RAB5B: variants seen among roughly 807,000 people sequenced by gnomAD.
RAB5B encodes RAB5B, member RAS oncogene family.
A neutral mutation model predicts 28.6 loss-of-function variants in RAB5B; 11 were observed. The ratio of observed to expected loss-of-function variants is 0.38; its 90% CI spans 0.24 to 0.64. The LOEUF (loss-of-function observed/expected upper bound fraction) is 0.64, where lower values mean the gene tolerates loss of function less well. RAB5B is among the 30% of genes least tolerant of loss of function. The pLI, the probability that RAB5B is intolerant of heterozygous loss-of-function variation, is 0.53. For missense variants in RAB5B, 169 were observed against 265.6 expected, an observed-to-expected ratio of 0.64 and a Z score of 2.53; for synonymous variants, 93 against 97.9, an observed-to-expected ratio of 0.95 and a Z score of 0.29.
intron 1 of RAB5B, among the ~76,000 whole-genome samples, chr12:55,978,282 G>A (rs905867898): frequency 3.9e-5 from 6 of 152,120 alleles, no homozygotes; most frequent in East Asian, 1.9e-4. Context: ...GGTGGATCAC[G>A]AGGTCAGGAG....
chr12:55,986,623 C>T, intron 1 of RAB5B, among the ~76,000 whole-genome samples: 1 of 152,178 alleles, frequency 6.6e-6, no homozygotes, highest in East Asian at 1.9e-4. Context: ...GAATTAAAAA[C>T]TCTCAGTTTT....
In RAB5B at chr12:55,996,003, A is replaced by ATATATATATATATATT; in HGVS notation, c.*3792_*3793insATATATATATATATTT. On this transcript the variant is annotated 3_prime_UTR_variant, in exon 6 of 6. Transcript: ENST00000360299. ...TATATACATATATATATATATATAT[A>ATATATATATATATATT]TTTTTTTTTTAACAACTGGTAGGAT... 3 of 97,430 alleles carry ATATATATATATATATT rather than the reference A, an allele frequency of 3.1e-5. No homozygotes were observed. The highest frequency in any genetic ancestry group is 1.1e-4 in the Admixed American group (1 of 9,308). 6.0% of individuals were successfully genotyped at this position (97,430 alleles called of 1,614,324 possible). A position where few individuals can be genotyped will look rare whatever the true frequency, so the allele number is the denominator to read the frequency against.
At position 55,992,219 on chromosome 12, in the gene RAB5B, G is replaced by A. The variant is rs775349088; in HGVS notation, c.*7G>A. 1 of 1,605,844 alleles carries A rather than the reference G, an allele frequency of 6.2e-7. No homozygotes were observed. On this transcript the variant is annotated 3_prime_UTR_variant, in exon 6 of 6. Coordinates refer to ENST00000360299, the MANE Select transcript of RAB5B (RefSeq NM_002868.4). ...CCAGTGTTGTAGCAACTGAGGGGGTGGCTAGCAGCAAACAAGTATGGAGCT... is the reference window on the plus strand; with the variant it reads ...CCAGTGTTGTAGCAACTGAGGGGGTAGCTAGCAGCAAACAAGTATGGAGCT...
intron 1 of RAB5B, among the ~76,000 whole-genome samples, chr12:55,979,083 T>C: frequency 6.6e-6 from 1 of 152,026 alleles, no homozygotes; most frequent in East Asian, 1.9e-4. Context: ...AGAAATACAG[T>C]CTTAATACTG....
At position 55,992,494 on chromosome 12, in the gene RAB5B, A is replaced by G. The variant is rs1224230889; in HGVS notation, c.*282A>G. On this transcript the variant is annotated 3_prime_UTR_variant, in exon 6 of 6. Coordinates refer to ENST00000360299, the MANE Select transcript of RAB5B (RefSeq NM_002868.4). ...ACTTTCTTCACTTTGTATTATAGGT[A>G]CAAGACAGCGACTTACGTATCTTTT... 1.7e-6 allele frequency: 1 copy of G among 592,680 alleles called. No homozygotes were observed. The highest frequency in any genetic ancestry group is 3.7e-5 in the East Asian group (1 of 27,144). The allele number at this position is 592,680 out of a possible 1,614,324, so 36.7% of individuals were successfully genotyped here.
intron 1 of RAB5B, among the ~76,000 whole-genome samples, chr12:55,975,101 G>A (rs1889608291): frequency 6.6e-6 from 1 of 151,974 alleles, no homozygotes; most frequent in Admixed American, 6.6e-5. Flanking sequence ...TTAATAATGT[G>A]GTCTATAGCA....
intron 5 of RAB5B, 109 bp from the exon 6 acceptor site, chr12:55,991,988 C>A: frequency 1.3e-6 from 1 of 761,512 alleles, no homozygotes; most frequent in South Asian, 1.8e-5. Flanking sequence ...CTTTTAATCT[C>A]TCAAATTCTC....
intron 1 of RAB5B, among the ~76,000 whole-genome samples, chr12:55,981,709 A>T (rs1359082259): frequency 6.6e-6 from 1 of 151,336 alleles, no homozygotes; most frequent in Non-Finnish European, 1.5e-5. Context: ...AACATCCTCC[A>T]TGGGTCTCCT....
chr12:55,990,964 C>A, intron 4 of RAB5B, 160 bp downstream of exon 4: 1 of 947,810 alleles, frequency 1.1e-6, no homozygotes, highest in Non-Finnish European at 1.5e-6. Context: ...ACCCTAATGA[C>A]AGCCAGGAGA....
chr12:55,989,633 C>T (rs1890050415), intron 2 of RAB5B, among the ~76,000 whole-genome samples: 1 of 152,172 alleles, frequency 6.6e-6, no homozygotes, highest in South Asian at 2.1e-4. Context: ...TTTTCTCTGT[C>T]ATTTGTTATT....
intron 1 of RAB5B, chr12:55,980,872 C>A (rs937005174): frequency 3.1e-6 from 5 of 1,610,944 alleles, no homozygotes; most frequent in Admixed American, 1.7e-5. Flanking sequence ...TGATCTTCTT[C>A]CCCTCTATAT....
chr12:55,990,269 G>A (rs750588019), intron 3 of RAB5B, 171 bp downstream of exon 3: 67 of 683,630 alleles, frequency 9.8e-5, no homozygotes, highest in Middle Eastern at 4.5e-4. Flanking sequence ...TTAGTTGGGC[G>A]TGGTGGTGCG....
intron 2 of RAB5B, among the ~76,000 whole-genome samples, chr12:55,988,026 A>G (rs1027496692): frequency 8.6e-5 from 13 of 151,278 alleles, no homozygotes; most frequent in Non-Finnish European, 1.5e-4. Flanking sequence ...GCACATGCCT[A>G]TAATTCCAGC....
At chr12:55,984,115 G>A (rs1298267685) in intron 1 of RAB5B, among the ~76,000 whole-genome samples, 3 of 150,558 alleles carry the variant, frequency 2.0e-5, no homozygotes, top group South Asian at 2.1e-4. Flanking sequence ...TCCGCCTCCC[G>A]GGTTTAAGCA....
intron 1 of RAB5B, chr12:55,980,729 C>A (rs1592795540): frequency 1.3e-6 from 2 of 1,580,460 alleles, no homozygotes; most frequent in Non-Finnish European, 8.7e-7. Context: ...GCTTTTCATC[C>A]AGTTCTGAAT....
chr12:55,978,663 G>A (rs1274971891), intron 1 of RAB5B, among the ~76,000 whole-genome samples: 2 of 152,070 alleles, frequency 1.3e-5, no homozygotes, highest in African/African-American at 4.8e-5. Context: ...GCTGTGCTCT[G>A]AAGATTTTAA....
Position 55,994,466 on chromosome 12 carries a change from T to G in RAB5B, c.*2254T>G, listed in dbSNP as rs1890229862. 6.9e-6 allele frequency: 1 copy of G among 145,950 alleles called. No homozygotes were observed. The highest frequency in any genetic ancestry group is 1.5e-5 in the Non-Finnish European group (1 of 66,634). The allele number at this position is 145,950 out of a possible 1,614,324, so 9.0% of individuals were successfully genotyped here. ...CTTCCCTCTACTTCCTACCACCTCT[T>G]CTGCCTTCCTTTGAGCTCTGTTGGG... On this transcript the variant is annotated 3_prime_UTR_variant, in exon 6 of 6. Transcript: ENST00000360299.
At chr12:55,978,880 C>T (rs895810540) in intron 1 of RAB5B, among the ~76,000 whole-genome samples, 2 of 150,534 alleles carry the variant, frequency 1.3e-5, no homozygotes, top group Admixed American at 6.7e-5. Flanking sequence ...TCAAGCAATT[C>T]TCATGTCTCA....
chr12:55,991,404 G>A lies in RAB5B; in HGVS notation c.483G>A (p.Glu161=), dbSNP rs746456009. ...ATGACAACAGCTTATTGTTCATGGA[G>A]ACTTCAGCCAAGACAGCTATGAACG... ...YADDNSLLFM[E]TSAKTAMNVN... Residue 161 remains glutamate, a synonymous_variant, in exon 5 of 6, where the codon GAG becomes GAA. Coordinates refer to ENST00000360299, the MANE Select transcript of RAB5B (RefSeq NM_002868.4). The A allele has an allele frequency of 1.9e-6, 3 of 1,614,096 alleles. No individual in the cohort carries two copies. The highest frequency in any genetic ancestry group is 3.3e-5 in the Admixed American group (2 of 60,010).
Sources: allele counts gnomAD v4.1 joint callset (sites outside exome capture counted in the v4.1 genomes callset), GRCh38; gene constraint gnomAD v4.1.1; transcripts MANE v1.5; gene names NCBI Gene and HGNC (gene_info 2026-07-23, HGNC 2026-07-21).